The following WDPCP variants were observed in gnomAD, a reference collection of about 807,000 sequenced individuals.
WDPCP encodes WD repeat containing planar cell polarity effector.
Under a neutral mutation model 93.1 loss-of-function variants are expected in WDPCP, and 71 were observed. The observed-to-expected ratio is 0.76, with a 90% CI of 0.63 to 0.93. The LOEUF is 0.93. Among genes scored for constraint, WDPCP ranks in the 40% least tolerant of loss-of-function variants. WDPCP has a pLI of 0.00. For synonymous variants in WDPCP, 315 were observed against 315.0 expected, an observed-to-expected ratio of 1.00 and a Z score of 0.00; for missense variants, 844 against 887.4, an observed-to-expected ratio of 0.95 and a Z score of 0.62.
chr2:63,732,164 G>T (rs1669570003), intron 2 of WDPCP, among the ~76,000 whole-genome samples: 2 of 152,114 alleles, frequency 1.3e-5, no homozygotes, highest in Admixed American at 1.3e-4. Context: ...ATGAAAAGAG[G>T]GTGCTATGCA....
intron 6 of WDPCP, among the ~76,000 whole-genome samples, chr2:63,448,868 TG>T (rs1698042973): frequency 6.6e-6 from 1 of 152,034 alleles, no homozygotes; most frequent in African/African-American, 2.4e-5. Context: ...GTAGGGGAAA[TG>T]GGGAGATACT....
intron 1 of WDPCP, among the ~76,000 whole-genome samples, chr2:63,820,693 G>A (rs946184465): frequency 3.9e-5 from 6 of 152,072 alleles, no homozygotes; most frequent in South Asian, 2.1e-4. Context: ...GCAAAAAAAC[G>A]TGTGTTCTTT....
intron 17 of WDPCP, among the ~76,000 whole-genome samples, chr2:63,144,297 T>C (rs1316121772): frequency 2.8e-5 from 4 of 144,296 alleles, no homozygotes; most frequent in Non-Finnish European, 4.6e-5. Context: ...TTATTTTATT[T>C]TGAGACGGAG....
intron 13 of WDPCP, among the ~76,000 whole-genome samples, chr2:63,293,943 T>G (rs955776848): frequency 2.2e-4 from 34 of 152,168 alleles, no homozygotes; most frequent in African/African-American, 7.9e-4. Context: ...GAGAAAATCT[T>G]AAAAGAAATA....
intron 12 of WDPCP, among the ~76,000 whole-genome samples, chr2:63,338,557 AAAAAAAAAAAAAATATATATAT>A (rs1432370109): frequency 3.6e-4 from 7 of 19,264 alleles, no homozygotes; most frequent in Middle Eastern, 0.02. Flanking sequence ...CATCTAAAAA[AAAAAAAAAAAAAATATATATAT>A]ATATATATAT....
chr2:63,191,656 G>C (rs1328153202), intron 14 of WDPCP, among the ~76,000 whole-genome samples: 1 of 152,098 alleles, frequency 6.6e-6, no homozygotes, highest in East Asian at 1.9e-4. Flanking sequence ...TTATTTCTAT[G>C]ACATCAAGGC....
chr2:63,189,221 C>T (rs1456370289), intron 14 of WDPCP, among the ~76,000 whole-genome samples: 1 of 152,200 alleles, frequency 6.6e-6, no homozygotes, highest in Non-Finnish European at 1.5e-5. Flanking sequence ...TGTACCCAAA[C>T]TATGCAAACT....
intron 1 of WDPCP, among the ~76,000 whole-genome samples, chr2:63,542,137 G>T (rs151110535): frequency 6.6e-6 from 1 of 152,094 alleles, no homozygotes; most frequent in Non-Finnish European, 1.5e-5. Flanking sequence ...TTAACAGAGC[G>T]TGTCAAATGT....
intron 2 of WDPCP, among the ~76,000 whole-genome samples, chr2:63,757,348 G>A (rs1410289202): frequency 6.6e-6 from 1 of 152,092 alleles, no homozygotes; most frequent in African/African-American, 2.4e-5. Context: ...TTTCCCCAAG[G>A]AGAATATTAC....
chr2:63,520,055 G>A (rs547805950), intron 1 of WDPCP, among the ~76,000 whole-genome samples: 1 of 152,294 alleles, frequency 6.6e-6, no homozygotes, highest in East Asian at 1.9e-4. Context: ...ATCTGACAGA[G>A]CTGAAAAACA....
chr2:63,707,965 G>A (rs1045555875), intron 2 of WDPCP, among the ~76,000 whole-genome samples: 1 of 152,196 alleles, frequency 6.6e-6, no homozygotes, highest in African/African-American at 2.4e-5. Flanking sequence ...TGCAGATGCT[G>A]CTGCTTGATC....
At chr2:63,778,124 T>G (rs1670331709) in intron 2 of WDPCP, among the ~76,000 whole-genome samples, 1 of 152,174 alleles carries the variant, frequency 6.6e-6, no homozygotes, top group East Asian at 1.9e-4. Context: ...CATGCTCTGA[T>G]TATGCCTTTT....
At chr2:63,766,051 C>T (rs1670133214) in intron 2 of WDPCP, among the ~76,000 whole-genome samples, 1 of 152,204 alleles carries the variant, frequency 6.6e-6, no homozygotes, top group Admixed American at 6.5e-5. Flanking sequence ...GCACTAGCAC[C>T]TAGCACATGC....
chr2:63,764,365 C>T (rs1414073650), intron 2 of WDPCP, among the ~76,000 whole-genome samples: 12 of 152,100 alleles, frequency 7.9e-5, no homozygotes, highest in Admixed American at 7.2e-4. Flanking sequence ...TGAGTGATGC[C>T]GTGGTGACCT....
the WDPCP span, among the ~76,000 whole-genome samples, chr2:63,836,656 T>C: frequency 6.6e-6 from 1 of 152,230 alleles, no homozygotes; most frequent in Non-Finnish European, 1.5e-5. Context: ...GGAATGGCTC[T>C]ATTGCCTCTA....
chr2:63,714,711 C>T (rs1397257378), intron 2 of WDPCP, among the ~76,000 whole-genome samples: 1 of 152,150 alleles, frequency 6.6e-6, no homozygotes, highest in Admixed American at 6.5e-5. Flanking sequence ...CACCTGTACT[C>T]CCAGCTACTT....
intron 12 of WDPCP, among the ~76,000 whole-genome samples, chr2:63,329,905 G>T (rs1439239773): frequency 6.6e-6 from 1 of 152,042 alleles, no homozygotes; most frequent in African/African-American, 2.4e-5. Context: ...TCACATTGTT[G>T]TAAGTAACAG....
chr2:63,336,083 C>G (rs1441104437), intron 12 of WDPCP, among the ~76,000 whole-genome samples: 3 of 152,184 alleles, frequency 2.0e-5, no homozygotes, highest in African/African-American at 7.2e-5. Context: ...TAAAAATGGG[C>G]AACCAGCAGC....
rs1055849670 is a variant in WDPCP at position 63,120,505 on chromosome 2, A to T, written c.*1501T>A. On this transcript the variant is annotated 3_prime_UTR_variant, in exon 18 of 18. Transcript: ENST00000272321. ...TGTCTAATATTAAACAATGTTGATT[A>T]TTATTATAGATGTCTATAATTTTTT... Among the ~76,000 whole-genome samples, 3 of 149,622 alleles carry T rather than the reference A, an allele frequency of 2.0e-5. No homozygotes were observed. Among genetic ancestry groups the T allele is most frequent in the Non-Finnish European group, 1.5e-5 (1 of 67,444 alleles).
Sources: allele counts gnomAD v4.1 joint callset (sites outside exome capture counted in the v4.1 genomes callset), GRCh38; gene constraint gnomAD v4.1.1; transcripts MANE v1.5; gene names NCBI Gene and HGNC (gene_info 2026-07-23, HGNC 2026-07-21).